Variants in PPP4C observed in about 807,000 individuals in gnomAD.
PPP4C encodes serine/threonine-protein phosphatase 4 catalytic subunit.
In PPP4C, 10 loss-of-function variants were observed where a neutral mutation model predicts 40.5. The ratio of observed to expected loss-of-function variants is 0.25; its 90% confidence interval spans 0.15 to 0.42. PPP4C has a LOEUF of 0.42. Ranked by LOEUF, PPP4C falls within the 10% of genes least tolerant of loss-of-function variation. The pLI is 1.00. For missense variants in PPP4C, 191 were observed against 416.4 expected (o/e 0.46, Z 4.71); for synonymous variants, 187 against 163.6 (o/e 1.14, Z -1.09).
intron 5 of PPP4C, 119 bp downstream of exon 5, chr16:30,082,966 G>A: frequency 4.6e-6 from 4 of 868,332 alleles, no homozygotes; most frequent in Non-Finnish European, 5.4e-6. Context: ...TGTCACTGGT[G>A]ATGGACCGAT....
chr16:30,080,978 G>A (rs2072494744), intron 2 of PPP4C, among the ~76,000 whole-genome samples: 1 of 152,226 alleles, frequency 6.6e-6, no homozygotes, highest in Non-Finnish European at 1.5e-5. Context: ...GCGGAAGAGG[G>A]AGCGGCAGGG....
chr16:30,080,095 A>G (rs888008562), intron 2 of PPP4C, among the ~76,000 whole-genome samples: 4 of 152,098 alleles, frequency 2.6e-5, no homozygotes, highest in African/African-American at 9.7e-5. Flanking sequence ...CTGTAATCCC[A>G]GCACTTTGGG....
chr16:30,084,850 C>CT lies in PPP4C; in HGVS notation c.790dup (p.Tyr264LeufsTer24). On this transcript the variant is annotated frameshift_variant, in exon 8 of 9. Coordinates refer to ENST00000279387, the MANE Select transcript of PPP4C (RefSeq NM_002720.3). LOFTEE classifies it high-confidence loss of function. ...CTGTGTGGTCGGCACCCAACTACTG[C>CT]TACCGGTGAGCCGGCTGGGCCGGGC... 6.2e-7 allele frequency: 1 copy of CT among 1,614,144 alleles called. No homozygotes were observed. The highest frequency in any genetic ancestry group is 8.5e-7 in the Non-Finnish European group (1 of 1,179,960).
rs117659447 is a variant in PPP4C, at chr16:30,082,602, G to T, written c.201+68G>T. On this transcript the variant is annotated intron_variant, in intron 4 of 8. Transcript: ENST00000279387. ...CTGGAAGACCCCTGTAATTGAGGGT[G>T]GGAGCCTTAATTTGGGGCGTGGAGT... The T allele has an allele frequency of 2.0e-3, 3,107 of 1,576,678 alleles. 69 individuals carry two copies. In the East Asian group the frequency reaches 0.047, roughly 24 times the overall value.
chr16:30,077,037 T>G (rs2072415660), intron 2 of PPP4C, among the ~76,000 whole-genome samples: 2 of 152,126 alleles, frequency 1.3e-5, no homozygotes, highest in Admixed American at 1.3e-4. Flanking sequence ...TGGAGTTGGA[T>G]CATTCACGTT....
chr16:30,081,383 G>A (rs368504399), intron 3 of PPP4C, 73 bp downstream of exon 3: 393 of 1,281,854 alleles, frequency 3.1e-4, no homozygotes, highest in Non-Finnish European at 3.6e-4. Context: ...CATCTTGGGG[G>A]CTCTATAAGC....
intron 1 of PPP4C, 45 bp downstream of exon 1, chr16:30,076,139 C>A (rs2072386316): frequency 7.0e-6 from 4 of 568,778 alleles, no homozygotes; most frequent in Non-Finnish European, 1.3e-5. Flanking sequence ...TAGCGCGGGA[C>A]CGCGGGGTTC....
intron 2 of PPP4C, among the ~76,000 whole-genome samples, chr16:30,078,919 G>C (rs1275945292): frequency 6.6e-6 from 1 of 152,204 alleles, no homozygotes; most frequent in Non-Finnish European, 1.5e-5. Flanking sequence ...GTCCTGATAG[G>C]GCTGGGGAAG....
In PPP4C at chr16:30,085,011, A is replaced by G; in HGVS notation, c.873A>G (p.Gln291=). 6.2e-7 allele frequency: 1 copy of G among 1,614,180 alleles called. No individual in the cohort carries two copies. The highest frequency in any genetic ancestry group is 8.5e-7 in the Non-Finnish European group (1 of 1,180,030). Residue 291 remains glutamine, a synonymous_variant, in exon 9 of 9, where the codon CAA becomes CAG. Coordinates refer to ENST00000279387, the MANE Select transcript of PPP4C (RefSeq NM_002720.3). ...TCATCATCTTTGAGGCTGCTCCCCA[A>G]GAGACACGGGGCATCCCCTCCAAGA... The part of the protein sequence containing the change: ...KDFIIFEAAP[Q]ETRGIPSKKP...
Position 30,083,858 on chromosome 16 carries a change from C to G in PPP4C, c.604+77C>G, listed in dbSNP as rs1319283312. 1 of 1,577,214 alleles carries G rather than the reference C, an allele frequency of 6.3e-7. No individual in the cohort carries two copies. Among genetic ancestry groups the G allele is most frequent in the Non-Finnish European group, 8.6e-7 (1 of 1,159,352 alleles). The stretch of plus-strand genomic sequence containing the variant: ...AGAGAGGGAGCAGGGCTGGTCTTCA[C>G]TGTCACTCGTCCTCCACCTGCCAAA... On this transcript the variant is annotated intron_variant, in intron 7 of 8. Coordinates refer to ENST00000279387, the MANE Select transcript of PPP4C (RefSeq NM_002720.3). This position sits in a 1 kb window ranked among gnomAD's most constrained non-coding sequence, Gnocchi z 6.3.
chr16:30,081,174 C>T (rs1188820169), intron 2 of PPP4C, 85 bp from the exon 3 acceptor site: 2 of 1,596,110 alleles, frequency 1.3e-6, no homozygotes, highest in Non-Finnish European at 8.6e-7. Context: ...AGGACTGCCT[C>T]ATATCCTCCC....
intron 4 of PPP4C, 104 bp from the exon 5 acceptor site, chr16:30,082,642 C>T: frequency 3.2e-6 from 5 of 1,543,214 alleles, no homozygotes; most frequent in Non-Finnish European, 4.5e-6. Context: ...GCAAGGGGCC[C>T]CAAGTTAGAT....
chr16:30,082,413 C>A, intron 3 of PPP4C, 71 bp from the exon 4 acceptor site: 2 of 1,438,764 alleles, frequency 1.4e-6, no homozygotes, highest in Non-Finnish European at 2.0e-6. Context: ...ACTAAAGCAG[C>A]GGGTGTTTGG....
Position 30,083,190 on chromosome 16 carries a change from T to C in PPP4C, c.304-204T>C. 1.5e-6 allele frequency: 1 copy of C among 647,312 alleles called. No homozygotes were observed. The highest frequency in any genetic ancestry group is 2.7e-6 in the Non-Finnish European group (1 of 372,962). 40.1% of individuals were successfully genotyped at this position (647,312 alleles called of 1,614,324 possible). On this transcript the variant is annotated intron_variant, in intron 5 of 8. Coordinates refer to ENST00000279387, the MANE Select transcript of PPP4C (RefSeq NM_002720.3). The surrounding 1 kb of genome is among the most constrained non-coding windows in gnomAD (Gnocchi z 6.3). ...AAAGAAGAGCCATTAGGTTCATAGT[T>C]GAGGGAATGGGTCAGCTTTACATTC...
chr16:30,081,659 C>G, intron 3 of PPP4C: 1 of 205,060 alleles, frequency 4.9e-6, no homozygotes, highest in Non-Finnish European at 1.0e-5. Flanking sequence ...AGGAGAATCG[C>G]TTGAACCCCA....
At chr16:30,080,240 G>T (rs991133635) in intron 2 of PPP4C, among the ~76,000 whole-genome samples, 11 of 151,082 alleles carry the variant, frequency 7.3e-5, no homozygotes, top group Admixed American at 5.3e-4. Flanking sequence ...AGCTACTCGG[G>T]AGGTTGAGGC....
At chr16:30,076,165 G>T (rs548598970) in intron 1 of PPP4C, 71 bp downstream of exon 1, 23 of 582,792 alleles carry the variant, frequency 3.9e-5, no homozygotes, top group Non-Finnish European at 7.0e-5. Flanking sequence ...GAGTTAGCGG[G>T]GGTGCGGCCA....
chr16:30,076,869 A>AT (rs1391508153), intron 2 of PPP4C, among the ~76,000 whole-genome samples: 1 of 152,234 alleles, frequency 6.6e-6, no homozygotes, highest in Non-Finnish European at 1.5e-5. Flanking sequence ...CCTGTGATTT[A>AT]TAAAAGTCTT....
In PPP4C at chr16:30,080,344, CAAAAAAA is replaced by C. The variant is rs766436567; in HGVS notation, c.99-897_99-891del. Among the ~76,000 whole-genome samples the C allele has an allele frequency of 1.8e-4, 8 of 45,338 alleles. No individual in the cohort carries two copies. In the East Asian group the frequency reaches 2.5e-3, roughly 14 times the overall value. 29.7% of individuals were successfully genotyped at this position (45,338 alleles called of 152,430 possible). On this transcript the variant is annotated intron_variant, in intron 2 of 8. Coordinates refer to ENST00000279387, the MANE Select transcript of PPP4C (RefSeq NM_002720.3). ...TGGGCAATGGAGCCAGACTCTGTCT[CAAAAAAA>C]AAAAAAAAAAAAAAAAATTGGGTGT...
Sources: allele counts gnomAD v4.1 joint callset (sites outside exome capture counted in the v4.1 genomes callset), GRCh38; gene constraint gnomAD v4.1.1; non-coding constraint Gnocchi (gnomAD v3.1); transcripts MANE v1.5; gene names NCBI Gene and HGNC (gene_info 2026-07-23, HGNC 2026-07-21).